FOXO1: variants seen among roughly 807,000 people sequenced by gnomAD.
The protein encoded by FOXO1 is forkhead box protein O1.
A neutral mutation model predicts 44.1 loss-of-function variants in FOXO1; 6 were observed. That is an observed-to-expected ratio of 0.14 (90% CI 0.07 to 0.27). The LOEUF is 0.27. Among genes scored for constraint, FOXO1 ranks in the 10% least tolerant of loss-of-function variants. FOXO1 has a pLI of 1.00. For missense variants in FOXO1, 737 were observed against 888.8 expected (o/e 0.83, Z 2.17); for synonymous variants, 380 against 362.7 (o/e 1.05, Z -0.54).
chr13:40,656,131 C>A (rs1877852527), intron 1 of FOXO1, among the ~76,000 whole-genome samples: 1 of 152,196 alleles, frequency 6.6e-6, no homozygotes, highest in South Asian at 2.1e-4. Flanking sequence ...GTCAGTTTTG[C>A]ATTTGGCCTA....
chr13:40,652,643 C>T (rs1566085853), intron 1 of FOXO1, among the ~76,000 whole-genome samples: 1 of 152,200 alleles, frequency 6.6e-6, no homozygotes, highest in Non-Finnish European at 1.5e-5. Context: ...ACTTATGCAA[C>T]TCTATCCTGA....
intron 1 of FOXO1, among the ~76,000 whole-genome samples, chr13:40,655,442 C>G (rs1324339091): frequency 6.6e-6 from 1 of 151,474 alleles, no homozygotes; most frequent in Non-Finnish European, 1.5e-5. Flanking sequence ...AACAATCATG[C>G]AAGTGTGAGA....
intron 1 of FOXO1, among the ~76,000 whole-genome samples, chr13:40,622,202 G>A (rs1876637390): frequency 6.6e-6 from 1 of 152,116 alleles, no homozygotes; most frequent in African/African-American, 2.4e-5. Flanking sequence ...TATACAATAT[G>A]CATGGTTTCT....
intron 1 of FOXO1, chr13:40,621,268 C>A: frequency 1.2e-6 from 1 of 802,026 alleles, no homozygotes; most frequent in Non-Finnish European, 2.0e-6. Context: ...ATTCATTGTA[C>A]TGACCGATGG....
intron 1 of FOXO1, among the ~76,000 whole-genome samples, chr13:40,585,270 T>C (rs531998240): frequency 6.6e-6 from 1 of 152,122 alleles, no homozygotes; most frequent in Non-Finnish European, 1.5e-5. Flanking sequence ...AATGTCAACC[T>C]CACCTTGCAA....
intron 1 of FOXO1, chr13:40,621,145 C>A: frequency 4.5e-6 from 2 of 446,262 alleles, no homozygotes. Context: ...TTCCACCCAG[C>A]GCTAGAGCAT....
At position 40,665,782 on chromosome 13, in the gene FOXO1, G is replaced by T; in HGVS notation, c.431C>A (p.Pro144Gln). Residue 144 changes from proline (P) to glutamine (Q), a missense_variant, in exon 1 of 3, where the codon CCG (proline) becomes CAG (glutamine). This residue lies in a region of FOXO1 where 213 missense variants were observed against 236.4 expected (regional missense o/e 0.90). Transcript: ENST00000379561. ...HPPVPPAAAG[P>Q]LAGQPRKSSS... ...GCTCTTGCGCGGCTGCCCCGCGAGC[G>T]GCCCAGCGGCGGCGGGGGGCACCGG... 1 of 1,270,966 alleles carries T rather than the reference G, an allele frequency of 7.9e-7. No individual in the cohort carries two copies. The highest frequency in any genetic ancestry group is 1.0e-6 in the Non-Finnish European group (1 of 1,000,264). The allele number at this position is 1,270,966 out of a possible 1,614,324, so 78.7% of individuals were successfully genotyped here.
intron 1 of FOXO1, among the ~76,000 whole-genome samples, chr13:40,573,543 C>A (rs1239312779): frequency 4.6e-5 from 7 of 152,196 alleles, no homozygotes; most frequent in Non-Finnish European, 1.5e-5. Flanking sequence ...ACTAAGCAAA[C>A]CTTACCATAT....
chr13:40,565,660 A>C (rs893664521), intron 1 of FOXO1, among the ~76,000 whole-genome samples: 4 of 152,182 alleles, frequency 2.6e-5, no homozygotes, highest in African/African-American at 9.7e-5. Context: ...AGGGGCACTC[A>C]AGTATCTGTT....
intron 1 of FOXO1, chr13:40,620,460 C>T (rs1381605467): frequency 3.2e-6 from 2 of 621,564 alleles, no homozygotes; most frequent in Non-Finnish European, 5.8e-6. Context: ...AGTGGCTCTT[C>T]GGTCAATCTT....
rs1873803260 is a variant in FOXO1, at chr13:40,557,527, T to C, written c.*1522A>G. 1 of 152,232 alleles carries C rather than the reference T, an allele frequency of 6.6e-6. No individual in the cohort carries two copies. The highest frequency in any genetic ancestry group is 1.5e-5 in the Non-Finnish European group (1 of 68,034). The allele number at this position is 152,232 out of a possible 1,614,324, so 9.4% of individuals were successfully genotyped here. ...ATTCCATTTGCTACCCATCTGAACTTATGAACACAAATTCTACAAACCACT... is the reference window on the plus strand; with the variant it reads ...ATTCCATTTGCTACCCATCTGAACTCATGAACACAAATTCTACAAACCACT... On this transcript the variant is annotated 3_prime_UTR_variant, in exon 3 of 3. Coordinates refer to ENST00000379561, the MANE Select transcript of FOXO1 (RefSeq NM_002015.4).
intron 1 of FOXO1, among the ~76,000 whole-genome samples, chr13:40,630,471 T>C (rs1876924105): frequency 6.6e-6 from 1 of 152,014 alleles, no homozygotes; most frequent in South Asian, 2.1e-4. Flanking sequence ...CTGGCCAACA[T>C]GGTGAAACCC....
intron 1 of FOXO1, among the ~76,000 whole-genome samples, chr13:40,621,514 TTA>T (rs2137903038): frequency 6.6e-6 from 1 of 152,328 alleles, no homozygotes; most frequent in African/African-American, 2.4e-5. Flanking sequence ...AAGAGGAAAT[TTA>T]TATAACATTT....
chr13:40,560,241 G>A lies in FOXO1; in HGVS notation c.1250C>T (p.Pro417Leu), dbSNP rs1873941370. Reference sequence around the variant, plus strand: ...TGTATATTTTTGGTAGTTTGGGCTGGGTGAATTCAAACTGGTGTTTGGTGG... The same window carrying A: ...TGTATATTTTTGGTAGTTTGGGCTGAGTGAATTCAAACTGGTGTTTGGTGG... ...FAPPNTSLNS[P>L]SPNYQKYTYG... Residue 417 changes from proline (P) to leucine (L), a missense_variant, in exon 2 of 3, where the codon CCC becomes CTC. Physicochemically the swap from Pro to Leu is moderately conservative, Grantham distance 98 (BLOSUM62 -3). This residue lies in a region of FOXO1 where 283 missense variants were observed against 278.1 expected (regional missense o/e 1.02). Coordinates refer to ENST00000379561, the MANE Select transcript of FOXO1 (RefSeq NM_002015.4). The surrounding 1 kb of genome is among the most constrained non-coding windows in gnomAD (Gnocchi z 5.1). 1 of 1,614,180 alleles carries A rather than the reference G, an allele frequency of 6.2e-7. No individual in the cohort carries two copies. Among genetic ancestry groups the A allele is most frequent in the Non-Finnish European group, 8.5e-7 (1 of 1,180,024 alleles).
chr13:40,630,166 AT>A (rs1368885049), intron 1 of FOXO1, among the ~76,000 whole-genome samples: 1 of 152,176 alleles, frequency 6.6e-6, no homozygotes, highest in Non-Finnish European at 1.5e-5. Context: ...TGCTAGGCAT[AT>A]TTGTTCTAGG....
At chr13:40,615,636 A>T (rs55743443) in intron 1 of FOXO1, among the ~76,000 whole-genome samples, 14,863 of 152,144 alleles carry the variant, frequency 0.098, 929 homozygotes, top group East Asian at 0.24. Flanking sequence ...ATTATCAACA[A>T]TGAGGTCAAG....
intron 1 of FOXO1, among the ~76,000 whole-genome samples, chr13:40,652,882 G>A (rs1877730065): frequency 6.6e-6 from 1 of 152,096 alleles, no homozygotes; most frequent in African/African-American, 2.4e-5. Context: ...TTCAAGCTTT[G>A]AAGGACACAA....
At chr13:40,592,106 T>C (rs1875396624) in intron 1 of FOXO1, among the ~76,000 whole-genome samples, 1 of 152,202 alleles carries the variant, frequency 6.6e-6, no homozygotes, top group Non-Finnish European at 1.5e-5. Flanking sequence ...TCACAAACTG[T>C]GACATCTGTA....
At chr13:40,613,558 T>C (rs929348566) in intron 1 of FOXO1, among the ~76,000 whole-genome samples, 2 of 152,198 alleles carry the variant, frequency 1.3e-5, no homozygotes, top group African/African-American at 2.4e-5. Context: ...TTAATCTAGA[T>C]GGTAGTTTCT....
Sources: gnomAD v4.1 joint callset for allele counts (sites outside exome capture counted in the v4.1 genomes callset) on GRCh38, gnomAD v4.1.1 for gene constraint, gnomAD v4.1.1 regional missense constraint, Gnocchi (gnomAD v3.1) non-coding constraint, MANE v1.5 for transcripts, NCBI Gene and HGNC (gene_info 2026-07-23, HGNC 2026-07-21) for gene names.